The following PAPSS2 variants were observed in gnomAD, a reference collection of about 807,000 sequenced individuals.
PAPSS2 encodes 3'-phosphoadenosine 5'-phosphosulfate synthase 2.
A neutral mutation model predicts 66.5 loss-of-function variants in PAPSS2; 61 were observed. The observed-to-expected ratio is 0.92, with a 90% CI of 0.75 to 1.14. The LOEUF is 1.14. Among genes scored for constraint, PAPSS2 ranks in the 50% most tolerant of loss-of-function variants. The pLI, the probability that PAPSS2 is intolerant of heterozygous loss-of-function variation, is 0.00. For synonymous variants in PAPSS2, 289 were observed against 287.5 expected (o/e 1.01, Z -0.05); for missense variants, 708 against 789.6 (o/e 0.90, Z 1.24).
chr10:87,689,108 A>G (rs573470320), intron 1 of PAPSS2, among the ~76,000 whole-genome samples: 1 of 152,220 alleles, frequency 6.6e-6, no homozygotes, highest in African/African-American at 2.4e-5. Flanking sequence ...TGGGAGTCCA[A>G]GGCGGGTGGA....
At chr10:87,721,852 A>G in intron 8 of PAPSS2, 82 bp downstream of exon 8, 1 of 836,026 alleles carries the variant, frequency 1.2e-6, no homozygotes, top group Non-Finnish European at 1.9e-6. Flanking sequence ...GAACATAACT[A>G]AAAGAAAATC....
chr10:87,745,903 A>G lies in PAPSS2; in HGVS notation c.1793A>G (p.Asp598Gly). 2 of 1,614,060 alleles carry G rather than the reference A, an allele frequency of 1.2e-6. No homozygotes were observed. Among genetic ancestry groups the G allele is most frequent in the South Asian group, 1.1e-5 (1 of 91,078 alleles). Residue 598 changes from aspartate to glycine, a missense_variant, in exon 13 of 13, where the codon GAT becomes GGT. Transcript: ENST00000456849. ...KLAREGENPPDGFMAPKAWKV... is the reference protein window; with the variant it reads ...KLAREGENPPGGFMAPKAWKV... ...GCCCGGGAAGGAGAGAATCCCCCAG[A>G]TGGCTTCATGGCCCCCAAAGCATGG...
intron 9 of PAPSS2, among the ~76,000 whole-genome samples, chr10:87,740,550 TGTAACAG>T: frequency 6.6e-6 from 1 of 152,356 alleles, no homozygotes; most frequent in South Asian, 2.1e-4. Context: ...GGATTTTTAA[TGTAACAG>T]AGTATGAGAA....
intron 10 of PAPSS2, among the ~76,000 whole-genome samples, chr10:87,742,966 C>T (rs1297820534): frequency 2.0e-5 from 3 of 152,228 alleles, no homozygotes; most frequent in Non-Finnish European, 4.4e-5. Context: ...AGTGGATAGG[C>T]TGGGTGCAGT....
At chr10:87,663,180 C>T (rs1343096284) in intron 1 of PAPSS2, among the ~76,000 whole-genome samples, 1 of 142,300 alleles carries the variant, frequency 7.0e-6, no homozygotes, top group Non-Finnish European at 1.5e-5. Flanking sequence ...GAAGCGATCT[C>T]GTCTCACTGC....
intron 1 of PAPSS2, among the ~76,000 whole-genome samples, chr10:87,706,108 A>ATATGTGTGTGTGTGTGTGTGTGTG: frequency 1.9e-5 from 1 of 52,020 alleles, no homozygotes; most frequent in Admixed American, 2.0e-4. Context: ...ATATATATAT[A>ATATGTGTGTGTGTGTGTGTGTGTG]TGTGTGTGTG....
At chr10:87,691,724 A>G (rs1263895993) in intron 1 of PAPSS2, among the ~76,000 whole-genome samples, 3 of 152,194 alleles carry the variant, frequency 2.0e-5, no homozygotes, top group Admixed American at 2.0e-4. Context: ...CCAAAGCCTC[A>G]CAGCAATGTT....
At chr10:87,678,989 G>A (rs1209350892) in intron 1 of PAPSS2, among the ~76,000 whole-genome samples, 1 of 152,140 alleles carries the variant, frequency 6.6e-6, no homozygotes, top group African/African-American at 2.4e-5. Context: ...CATGTTTATT[G>A]TAGCACTATT....
At chr10:87,742,206 T>C (rs958843143) in intron 10 of PAPSS2, among the ~76,000 whole-genome samples, 7 of 152,258 alleles carry the variant, frequency 4.6e-5, no homozygotes, top group Non-Finnish European at 5.9e-5. Context: ...CTGATAGAGA[T>C]AGCTGAAGTG....
rs772404922 is a variant in PAPSS2 at position 87,714,875 on chromosome 10, G to A, written c.639+12G>A. On this transcript the variant is annotated intron_variant, in intron 5 of 12. Transcript: ENST00000456849. ...TTCTGCAAGAGCAGGTAGGTGAACC[G>A]GTTGTCTTTTTTTATATGTTTAATA... 1.5e-5 allele frequency: 23 copies of A among 1,534,640 alleles called. No individual in the cohort carries two copies. Among genetic ancestry groups the A allele is most frequent in the Admixed American group, 1.3e-4 (8 of 59,874 alleles).
At position 87,713,074 on chromosome 10, in the gene PAPSS2, G is replaced by C; in HGVS notation, c.146-1G>C. ...CAGTCTGTTTTATCTGTTCTGAACAGGTCTCTCTGGTGCTGGAAAAACAAC... is the reference window on the plus strand; with the variant it reads ...CAGTCTGTTTTATCTGTTCTGAACACGTCTCTCTGGTGCTGGAAAAACAAC... On this transcript the variant is annotated splice_acceptor_variant, in intron 2 of 12. Transcript: ENST00000456849. LOFTEE classifies it high-confidence loss of function. 6 of 1,578,536 alleles carry C rather than the reference G, an allele frequency of 3.8e-6. No homozygotes were observed. Among genetic ancestry groups the C allele is most frequent in the Non-Finnish European group, 4.4e-6 (5 of 1,148,490 alleles).
intron 1 of PAPSS2, among the ~76,000 whole-genome samples, chr10:87,697,746 T>A (rs1853252261): frequency 6.6e-6 from 1 of 152,220 alleles, no homozygotes; most frequent in African/African-American, 2.4e-5. Flanking sequence ...GCAGGATATC[T>A]GAAAAAGCCA....
chr10:87,693,945 G>A (rs576804820), intron 1 of PAPSS2, among the ~76,000 whole-genome samples: 1 of 152,266 alleles, frequency 6.6e-6, no homozygotes, highest in Non-Finnish European at 1.5e-5. Context: ...ACTAAAGTTT[G>A]GAACATGTCA....
At chr10:87,696,732 A>G (rs1853239748) in intron 1 of PAPSS2, among the ~76,000 whole-genome samples, 1 of 152,246 alleles carries the variant, frequency 6.6e-6, no homozygotes, top group South Asian at 2.1e-4. Flanking sequence ...ACGAAGGATA[A>G]AGAATCCAGC....
chr10:87,737,667 A>AT (rs1853817582), intron 9 of PAPSS2, among the ~76,000 whole-genome samples: 1 of 152,012 alleles, frequency 6.6e-6, no homozygotes, highest in African/African-American at 2.4e-5. Context: ...CAAAAAAAAA[A>AT]TTTTAAAATT....
chr10:87,735,133 C>G (rs531287513), intron 9 of PAPSS2, among the ~76,000 whole-genome samples: 1 of 152,102 alleles, frequency 6.6e-6, no homozygotes, highest in Admixed American at 6.6e-5. Context: ...TAGCTGTGGC[C>G]CCCCTGCTGT....
rs1853501766 is a variant in PAPSS2 at position 87,714,071 on chromosome 10, G to A, written c.409G>A (p.Glu137Lys). The A allele has an allele frequency of 1.2e-6, 2 of 1,613,904 alleles. No homozygotes were observed. Among genetic ancestry groups the A allele is most frequent in the Non-Finnish European group, 1.7e-6 (2 of 1,179,842 alleles). The change falls in exon 4 of 13, where the codon GAA becomes AAA. Residue 137 changes from glutamate to lysine, a missense_variant. By Grantham distance (56) the Glu-to-Lys change is moderately conservative. Coordinates refer to ENST00000456849, the MANE Select transcript of PAPSS2 (RefSeq NM_001015880.2). ...TCGTGAGAATGCCCGCAAAATACAT[G>A]AATCAGCAGGGCTGCCATTCTTTGA... ...KDRENARKIH[E>K]SAGLPFFEIF...
At chr10:87,715,931 C>T in intron 7 of PAPSS2, 88 bp downstream of exon 7, 1 of 839,126 alleles carries the variant, frequency 1.2e-6, no homozygotes, top group Non-Finnish European at 2.1e-6. Flanking sequence ...GGAAGTTAGT[C>T]TTTAGTTTGC....
chr10:87,717,291 A>G (rs866309306), intron 7 of PAPSS2, among the ~76,000 whole-genome samples: 3 of 152,210 alleles, frequency 2.0e-5, no homozygotes, highest in Non-Finnish European at 4.4e-5. Context: ...CAAGTGAACT[A>G]CATTGAAAGA....
Sources: allele counts gnomAD v4.1 joint callset (sites outside exome capture counted in the v4.1 genomes callset), GRCh38; gene constraint gnomAD v4.1.1; transcripts MANE v1.5; gene names NCBI Gene and HGNC (gene_info 2026-07-23, HGNC 2026-07-21).